The following FSHR variants were observed in gnomAD, a reference collection of about 807,000 sequenced individuals.
FSHR encodes follicle-stimulating hormone receptor.
FSHR carries 46 observed loss-of-function variants against 52.1 expected under a neutral mutation model. That is an observed-to-expected ratio of 0.88 (90% CI 0.70 to 1.13). The LOEUF is 1.13. Ranked by LOEUF, FSHR falls within the 50% of genes most tolerant of loss-of-function variation. FSHR has a pLI of 0.00. For missense variants in FSHR, 964 were observed against 834.6 expected, an observed-to-expected ratio of 1.16 and a Z score of -1.91; for synonymous variants, 399 against 309.6, an observed-to-expected ratio of 1.29 and a Z score of -3.03.
intron 9 of FSHR, among the ~76,000 whole-genome samples, chr2:48,965,920 A>G (rs1674458649): frequency 6.6e-6 from 1 of 152,188 alleles, no homozygotes; most frequent in African/African-American, 2.4e-5. Flanking sequence ...GGAGTTGGGA[A>G]TTCAGTTTAG....
chr2:49,081,341 CTTATA>C (rs1412564505), intron 1 of FSHR, among the ~76,000 whole-genome samples: 1 of 151,740 alleles, frequency 6.6e-6, no homozygotes, highest in African/African-American at 2.4e-5. Context: ...TCTAAAGTAT[CTTATA>C]TTAAAAAAAA....
chr2:49,093,279 T>C (rs969957855), intron 1 of FSHR, among the ~76,000 whole-genome samples: 1 of 152,264 alleles, frequency 6.6e-6, no homozygotes, highest in South Asian at 2.1e-4. Context: ...ATTTGATTGC[T>C]GAGATAGGAG....
In FSHR at chr2:49,104,334, A is replaced by C. The variant is rs113020079; in HGVS notation, c.153-36044T>G. Among the ~76,000 whole-genome samples, 1,481 of 152,226 alleles carry C rather than the reference A, an allele frequency of 9.7e-3. 28 individuals are homozygous for C. The highest frequency in any genetic ancestry group is 0.034 in the Middle Eastern group (10 of 294). ...GGATTGCTATGTGTTGGGTGGAAATAGGTGATGCCACAGAGAGGCCCCCTG... is the reference window on the plus strand; with the variant it reads ...GGATTGCTATGTGTTGGGTGGAAATCGGTGATGCCACAGAGAGGCCCCCTG... On this transcript the variant is annotated intron_variant, in intron 1 of 9. Coordinates refer to ENST00000406846, the MANE Select transcript of FSHR (RefSeq NM_000145.4).
At chr2:48,979,207 G>A (rs1675127478) in intron 8 of FSHR, among the ~76,000 whole-genome samples, 1 of 152,104 alleles carries the variant, frequency 6.6e-6, no homozygotes, top group Admixed American at 6.5e-5. Flanking sequence ...TGCTTTGGGA[G>A]TCCAAGGCAG....
At chr2:49,040,836 G>T (rs891684343) in intron 2 of FSHR, among the ~76,000 whole-genome samples, 2 of 86,592 alleles carry the variant, frequency 2.3e-5, no homozygotes, top group East Asian at 1.0e-3. Context: ...TACTCAAGGG[G>T]ATGTGCTGAG....
Position 48,963,742 on chromosome 2 carries a change from A to G in FSHR, c.1079T>C (p.Met360Thr), listed in dbSNP as rs776759086. The change falls in exon 10 of 10, where the codon ATG (methionine) becomes ACG (threonine). Residue 360 changes from methionine to threonine, a missense_variant. Physicochemically the swap from Met to Thr is moderately conservative, Grantham distance 81 (BLOSUM62 -1). Transcript: ENST00000406846. ...CAGGACTCTGAGGATGTTGTACCCC[A>G]TGATATCTTCACATGGGTTGAATGC... ...PDAFNPCEDI[M>T]GYNILRVLIW... is the part of the protein sequence containing the mutation. 9 of 1,614,038 alleles carry G rather than the reference A, an allele frequency of 5.6e-6. No homozygotes were observed. Among genetic ancestry groups the G allele is most frequent in the Non-Finnish European group, 7.6e-6 (9 of 1,180,004 alleles).
At chr2:49,032,972 C>A (rs1027914617) in intron 2 of FSHR, among the ~76,000 whole-genome samples, 1 of 152,188 alleles carries the variant, frequency 6.6e-6, no homozygotes, top group African/African-American at 2.4e-5. Flanking sequence ...TACATCAAAT[C>A]CTTACTTAGA....
At chr2:49,083,042 G>A (rs1218369896) in intron 1 of FSHR, among the ~76,000 whole-genome samples, 2 of 150,966 alleles carry the variant, frequency 1.3e-5, no homozygotes, top group African/African-American at 4.9e-5. Flanking sequence ...ATACATAATT[G>A]TCAGATTCAC....
chr2:49,113,294 G>T (rs957971120), intron 1 of FSHR, among the ~76,000 whole-genome samples: 1 of 152,190 alleles, frequency 6.6e-6, no homozygotes, highest in East Asian at 1.9e-4. Context: ...ATCTCTGGCA[G>T]ATGGCTGTAT....
chr2:49,046,783 T>A (rs1668676988), intron 2 of FSHR, among the ~76,000 whole-genome samples: 1 of 152,204 alleles, frequency 6.6e-6, no homozygotes, highest in African/African-American at 2.4e-5. Context: ...ATTATGCTTC[T>A]CTTAGTTGGC....
chr2:49,017,409 G>T, intron 4 of FSHR, 80 bp downstream of exon 4: 1 of 1,051,718 alleles, frequency 9.5e-7, no homozygotes, highest in Non-Finnish European at 1.5e-6. Context: ...TTGCTCCCCA[G>T]AGTATCAAGT....
At chr2:49,097,070 G>A (rs1670848538) in intron 1 of FSHR, among the ~76,000 whole-genome samples, 3 of 152,144 alleles carry the variant, frequency 2.0e-5, no homozygotes, top group Admixed American at 2.0e-4. Flanking sequence ...CTCAGTTATT[G>A]CTTTATAGCA....
intron 2 of FSHR, among the ~76,000 whole-genome samples, chr2:49,050,475 C>T (rs1046989436): frequency 6.6e-6 from 1 of 152,156 alleles, no homozygotes; most frequent in Non-Finnish European, 1.5e-5. Context: ...CCAAAGGAAG[C>T]TAATAGCTTT....
At chr2:48,980,430 C>T (rs1234368216) in intron 8 of FSHR, among the ~76,000 whole-genome samples, 3 of 152,162 alleles carry the variant, frequency 2.0e-5, no homozygotes, top group South Asian at 2.1e-4. Context: ...TTCCTGCCTG[C>T]GTTCACAGTG....
At chr2:49,018,875 A>G (rs1235140618) in intron 3 of FSHR, among the ~76,000 whole-genome samples, 1 of 152,132 alleles carries the variant, frequency 6.6e-6, no homozygotes, top group Non-Finnish European at 1.5e-5. Context: ...GTGTGTGTGT[A>G]TCTGTTCCCT....
chr2:49,064,957 C>T (rs555930270), intron 2 of FSHR, among the ~76,000 whole-genome samples: 2 of 152,234 alleles, frequency 1.3e-5, no homozygotes, highest in African/African-American at 4.8e-5. Flanking sequence ...ACAGCATCTA[C>T]ATAAGAACAG....
intron 8 of FSHR, among the ~76,000 whole-genome samples, chr2:48,972,808 C>T (rs1051753251): frequency 6.6e-5 from 10 of 152,134 alleles, no homozygotes; most frequent in South Asian, 2.1e-4. Context: ...TTTTTCAAAA[C>T]GAGCAATACA....
rs186492814 is a variant in FSHR at position 49,108,132 on chromosome 2, T to A, written c.153-39842A>T. Among the ~76,000 whole-genome samples, 211 of 152,234 alleles carry A rather than the reference T, an allele frequency of 1.4e-3. 2 individuals are homozygous for A. Among genetic ancestry groups the A allele is most frequent in the African/African-American group, 4.9e-3 (203 of 41,544 alleles). On this transcript the variant is annotated intron_variant, in intron 1 of 9. Coordinates refer to ENST00000406846, the MANE Select transcript of FSHR (RefSeq NM_000145.4). ...GAACAAAAATGTTGAGGAGGATAAA[T>A]TCATCCCTTTTGCTTCCTGCCTGCC...
rs183785388 is a variant in FSHR at position 48,978,737 on chromosome 2, C to T, written c.668+4175G>A. Among the ~76,000 whole-genome samples the T allele has an allele frequency of 3.3e-5, 5 of 152,312 alleles. No individual in the cohort carries two copies. The East Asian group carries it at 9.7e-4, about 29-fold the overall frequency. ...GATGCTGAGCTGCTCCTCTGAAACT[C>T]GATGAAACTTGTTTGTATGCCCCTG... On this transcript the variant is annotated intron_variant, in intron 8 of 9. Coordinates refer to ENST00000406846, the MANE Select transcript of FSHR (RefSeq NM_000145.4).
Sources: gnomAD v4.1 joint callset for allele counts (sites outside exome capture counted in the v4.1 genomes callset) on GRCh38, gnomAD v4.1.1 for gene constraint, MANE v1.5 for transcripts, NCBI Gene and HGNC (gene_info 2026-07-23, HGNC 2026-07-21) for gene names.